Variants in HDAC2 observed in about 807,000 individuals in gnomAD.
The protein encoded by HDAC2 is YY1-associated factor 1.
Under a neutral mutation model 68.5 loss-of-function variants are expected in HDAC2, and 5 were observed. That is an observed-to-expected ratio of 0.07 (90% CI 0.04 to 0.15). HDAC2 has a LOEUF of 0.15. Among genes scored for constraint, HDAC2 ranks in the 10% least tolerant of loss-of-function variants. HDAC2 has a pLI of 1.00. For synonymous variants in HDAC2, 182 were observed against 191.3 expected (o/e 0.95, Z 0.40); for missense variants, 291 against 600.8 (o/e 0.48, Z 5.39).
chr6:113,959,720 GA>G (rs1776636617), intron 2 of HDAC2, 185 bp downstream of exon 2: 4 of 415,782 alleles, frequency 9.6e-6, no homozygotes, highest in East Asian at 4.1e-5. Flanking sequence ...AAAGGAAAAG[GA>G]AAAAGAGGGT....
In HDAC2 at chr6:113,934,659, A is replaced by T. The variant is rs1775963991; in HGVS notation, c.*6399T>A. On this transcript the variant is annotated 3_prime_UTR_variant, in exon 14 of 14. Coordinates refer to ENST00000519065, the MANE Select transcript of HDAC2 (RefSeq NM_001527.4). The stretch of plus-strand genomic sequence containing the variant: ...GAATTTTCTGCCTAACTCTAGAAAT[A>T]GGATGGCAGAAGAGTCATTACATTA... The T allele has an allele frequency of 6.6e-6, 1 of 152,240 alleles. No individual in the cohort carries two copies. The highest frequency in any genetic ancestry group is 1.5e-5 in the Non-Finnish European group (1 of 68,040). The allele number at this position is 152,240 out of a possible 1,614,324, so 9.4% of individuals were successfully genotyped here.
intron 1 of HDAC2, among the ~76,000 whole-genome samples, chr6:113,964,640 T>C (rs1776769512): frequency 1.3e-5 from 2 of 152,348 alleles, no homozygotes; most frequent in East Asian, 1.9e-4. Context: ...CTATGCTGTA[T>C]CTTTTTCAGT....
chr6:113,967,863 C>G (rs1157104701), intron 1 of HDAC2, among the ~76,000 whole-genome samples: 2 of 152,092 alleles, frequency 1.3e-5, no homozygotes, highest in Admixed American at 1.3e-4. Context: ...GAACATGATT[C>G]AGAAGTATGT....
chr6:113,949,804 CAG>C (rs984646351), intron 6 of HDAC2, among the ~76,000 whole-genome samples: 7 of 150,594 alleles, frequency 4.6e-5, no homozygotes, highest in African/African-American at 1.5e-4. Context: ...TTTTTTGAGA[CAG>C]AGTTTTGCTC....
Position 113,935,965 on chromosome 6 carries a change from A to G in HDAC2, c.*5093T>C, listed in dbSNP as rs1281428111. ...AAATTTCAATTCTTTCCCATTCTGT[A>G]TACTAACTGATTCTTACCACCAGTC... On this transcript the variant is annotated 3_prime_UTR_variant, in exon 14 of 14. Transcript: ENST00000519065. The G allele has an allele frequency of 6.6e-6, 1 of 152,212 alleles. No individual in the cohort carries two copies. The highest frequency in any genetic ancestry group is 6.5e-5 in the Admixed American group (1 of 15,280). 9.4% of individuals were successfully genotyped at this position (152,212 alleles called of 1,614,324 possible).
At chr6:113,950,348 G>A (rs1776380143) in intron 6 of HDAC2, among the ~76,000 whole-genome samples, 1 of 151,536 alleles carries the variant, frequency 6.6e-6, no homozygotes, top group Non-Finnish European at 1.5e-5. Context: ...TATTTTAACT[G>A]CAATACCAAA....
rs898477215 is a variant in HDAC2 at position 113,943,409 on chromosome 6, T to C, written c.1320A>G (p.Lys440=). Reference sequence around the variant, plus strand: ...CTTCAATTCTAGCTTTCTTTGCTCCTTTCTTATGATCAGCCACATTTCTTC... The same window carrying C: ...CTTCAATTCTAGCTTTCTTTGCTCCCTTCTTATGATCAGCCACATTTCTTC... ...GGRRNVADHK[K]GAKKARIEED... is the part of the protein sequence containing the mutation. The change falls in exon 12 of 14, where the codon AAA becomes AAG. Residue 440 remains lysine (K), a synonymous_variant. Coordinates refer to ENST00000519065, the MANE Select transcript of HDAC2 (RefSeq NM_001527.4). 5 of 1,611,266 alleles carry C rather than the reference T, an allele frequency of 3.1e-6. No individual in the cohort carries two copies. In the Admixed American group the frequency reaches 5.0e-5, roughly 16 times the overall value.
At chr6:113,944,705 G>A (rs1474351733) in intron 10 of HDAC2, among the ~76,000 whole-genome samples, 1 of 152,062 alleles carries the variant, frequency 6.6e-6, no homozygotes, top group Non-Finnish European at 1.5e-5. Context: ...TATGGCCCAG[G>A]CTGGTCACAA....
chr6:113,948,939 A>C (rs1776332697), intron 8 of HDAC2, 40 bp downstream of exon 8: 1 of 1,600,556 alleles, frequency 6.2e-7, no homozygotes, highest in Non-Finnish European at 8.5e-7. Context: ...TGGAAGAAAA[A>C]CCATTTTTTT....
In HDAC2 at chr6:113,941,008, T is replaced by C; in HGVS notation, c.*50A>G. 1 of 1,437,616 alleles carries C rather than the reference T, an allele frequency of 7.0e-7. No individual in the cohort carries two copies. The highest frequency in any genetic ancestry group is 9.7e-7 in the Non-Finnish European group (1 of 1,026,704). The allele number at this position is 1,437,616 out of a possible 1,614,324, so 89.1% of individuals were successfully genotyped here. A position where few individuals can be genotyped will look rare whatever the true frequency, so the allele number is the denominator to read the frequency against. On this transcript the variant is annotated 3_prime_UTR_variant, in exon 14 of 14. Transcript: ENST00000519065. ...GTCTTCAAAAAGAAAACATTTTCCT[T>C]TCAATATTTTCTTTTTAATGATTTT...
chr6:113,952,348 T>C (rs538423277), intron 6 of HDAC2, among the ~76,000 whole-genome samples: 19 of 152,288 alleles, frequency 1.2e-4, no homozygotes, highest in Admixed American at 3.3e-4. Context: ...CATTTGTAAG[T>C]ATGGAAAAGT....
At chr6:113,959,335 T>C (rs376955965) in intron 2 of HDAC2, among the ~76,000 whole-genome samples, 15 of 152,084 alleles carry the variant, frequency 9.9e-5, no homozygotes, top group African/African-American at 3.6e-4. Flanking sequence ...CTAGCATTAA[T>C]TGTTTTAAAT....
At chr6:113,954,373 C>A (rs554036370) in intron 5 of HDAC2, among the ~76,000 whole-genome samples, 1 of 152,160 alleles carries the variant, frequency 6.6e-6, no homozygotes, top group Admixed American at 6.5e-5. Flanking sequence ...CATAGTACAG[C>A]AAAATTTCTT....
intron 6 of HDAC2, among the ~76,000 whole-genome samples, chr6:113,949,869 C>T (rs1776365425): frequency 6.6e-6 from 1 of 152,068 alleles, no homozygotes. Flanking sequence ...GCAACCTCCG[C>T]CTCCCAGGTT....
chr6:113,967,224 G>C (rs929071853), intron 1 of HDAC2, among the ~76,000 whole-genome samples: 1 of 152,130 alleles, frequency 6.6e-6, no homozygotes, highest in African/African-American at 2.4e-5. Flanking sequence ...CACCTCCTGG[G>C]TTCAAGCCAT....
chr6:113,939,118 CGTCTTCACT>C lies in HDAC2; in HGVS notation c.*1931_*1939del, dbSNP rs1582473047. ...GCACCCGGATACTGAGCTCAGTTTC[CGTCTTCACT>C]GTTCCATCTCCTCCATCCACTACTC... is the stretch of plus-strand genomic sequence containing the variant. On this transcript the variant is annotated 3_prime_UTR_variant, in exon 14 of 14. Coordinates refer to ENST00000519065, the MANE Select transcript of HDAC2 (RefSeq NM_001527.4). The C allele has an allele frequency of 6.6e-6, 1 of 152,146 alleles. No homozygotes were observed. The highest frequency in any genetic ancestry group is 1.9e-4 in the East Asian group (1 of 5,194). The allele number at this position is 152,146 out of a possible 1,614,324, so 9.4% of individuals were successfully genotyped here.
At chr6:113,968,604 G>A (rs1374639109) in intron 1 of HDAC2, 1 of 152,056 alleles carries the variant, frequency 6.6e-6, no homozygotes, top group Non-Finnish European at 1.5e-5. Flanking sequence ...TTTAACAAAC[G>A]AGTCACAGAC....
chr6:113,953,734 A>C (rs1311690084), intron 5 of HDAC2, among the ~76,000 whole-genome samples: 4 of 152,258 alleles, frequency 2.6e-5, no homozygotes, highest in Non-Finnish European at 5.9e-5. Flanking sequence ...CAAGATTGTT[A>C]ATTAAAACAC....
Position 113,939,532 on chromosome 6 carries a change from T to TC in HDAC2, c.*1525dup, listed in dbSNP as rs1562138409. 1.3e-5 allele frequency: 2 copies of TC among 152,178 alleles called. No individual in the cohort carries two copies. Among genetic ancestry groups the TC allele is most frequent in the Non-Finnish European group, 2.9e-5 (2 of 68,040 alleles). 9.4% of individuals were successfully genotyped at this position (152,178 alleles called of 1,614,324 possible). A position where few individuals can be genotyped will look rare whatever the true frequency, so the allele number is the denominator to read the frequency against. ...CACAAACACTAAATACATTTCATTA[T>TC]CCCCCTAACGAAGGGACTAAGTTTC... On this transcript the variant is annotated 3_prime_UTR_variant, in exon 14 of 14. Coordinates refer to ENST00000519065, the MANE Select transcript of HDAC2 (RefSeq NM_001527.4).
Sources: gnomAD v4.1 joint callset for allele counts (sites outside exome capture counted in the v4.1 genomes callset) on GRCh38, gnomAD v4.1.1 for gene constraint, MANE v1.5 for transcripts, NCBI Gene and HGNC (gene_info 2026-07-23, HGNC 2026-07-21) for gene names.